The following UBE3C variants were observed in gnomAD, a reference collection of about 807,000 sequenced individuals.
UBE3C encodes the protein ubiquitin protein ligase E3C, also known as ubiquitin-protein ligase E3C.
In UBE3C, 42 loss-of-function variants were observed where a neutral mutation model predicts 129.4. The observed-to-expected ratio is 0.32, with a 90% CI of 0.25 to 0.42. UBE3C has a LOEUF of 0.42. UBE3C is among the 10% of genes least tolerant of loss of function. The pLI, the probability that UBE3C is intolerant of heterozygous loss-of-function variation, is 1.00. For missense variants in UBE3C, 1,049 were observed against 1,319.1 expected, an observed-to-expected ratio of 0.80 and a Z score of 3.17; for synonymous variants, 510 against 492.4, an observed-to-expected ratio of 1.04 and a Z score of -0.47.
chr7:157,162,332 C>T (rs1207514496), intron 1 of UBE3C, among the ~76,000 whole-genome samples: 3 of 151,788 alleles, frequency 2.0e-5, no homozygotes, highest in Admixed American at 2.0e-4. Context: ...GTAGCTGGGA[C>T]TACTGGTATG....
In UBE3C at chr7:157,256,979, G is replaced by A. The variant is rs1246890152; in HGVS notation, c.3016G>A (p.Glu1006Lys). ...GAGAGTTGTGGAAGGGTTCACTGAT[G>A]AAGAAAAGCGCAAACTGCTGAAGTT... Reference protein sequence around the residue: ...FWRVVEGFTDEEKRKLLKFVT... With the variant: ...FWRVVEGFTDKEKRKLLKFVT... Residue 1006 changes from glutamate to lysine, a missense_variant, in exon 22 of 23, where the codon GAA (glutamate) becomes AAA (lysine). Around this residue, in one of 4 missense-constraint regions of UBE3C, gnomAD observed 243 missense variants for 368.7 expected, o/e 0.66. Transcript: ENST00000348165. The A allele has an allele frequency of 6.2e-7, 1 of 1,614,202 alleles. No homozygotes were observed. Among genetic ancestry groups the A allele is most frequent in the Non-Finnish European group, 8.5e-7 (1 of 1,180,036 alleles).
At chr7:157,175,697 A>AT (rs1252991382) in intron 5 of UBE3C, among the ~76,000 whole-genome samples, 3 of 152,106 alleles carry the variant, frequency 2.0e-5, no homozygotes, top group Non-Finnish European at 4.4e-5. Flanking sequence ...TTATTAACTG[A>AT]TTTTTCCAAA....
Position 157,152,168 on chromosome 7 carries a change from G to C in UBE3C, c.67-11642G>C, listed in dbSNP as rs141861829. Among the ~76,000 whole-genome samples, 386 of 152,220 alleles carry C rather than the reference G, an allele frequency of 2.5e-3. 2 individuals are homozygous for C. The highest frequency in any genetic ancestry group is 8.3e-3 in the African/African-American group (344 of 41,510). On this transcript the variant is annotated intron_variant, in intron 1 of 22. Coordinates refer to ENST00000348165, the MANE Select transcript of UBE3C (RefSeq NM_014671.3). The stretch of plus-strand genomic sequence containing the variant: ...GGGGTGGGCAAAGGGTGTAGGGAAA[G>C]TGGAAGAGAAGGCTGGGAGGAAGGT...
At chr7:157,194,753 G>A (rs1245401388) in intron 10 of UBE3C, among the ~76,000 whole-genome samples, 1 of 152,204 alleles carries the variant, frequency 6.6e-6, no homozygotes, top group East Asian at 1.9e-4. Flanking sequence ...AGGAAAAGGG[G>A]TCCTTGTTAC....
chr7:157,203,446 T>C (rs112169922), intron 11 of UBE3C, among the ~76,000 whole-genome samples: 1,735 of 152,310 alleles, frequency 0.011, 27 homozygotes, highest in African/African-American at 0.04. Context: ...CTACGCCAGC[T>C]TTGGTTTTCA....
At chr7:157,232,439 A>G (rs540956968) in intron 18 of UBE3C, among the ~76,000 whole-genome samples, 5 of 152,154 alleles carry the variant, frequency 3.3e-5, no homozygotes, top group East Asian at 3.9e-4. Flanking sequence ...GCTCACTGCA[A>G]ACTCCACCTC....
intron 9 of UBE3C, among the ~76,000 whole-genome samples, chr7:157,184,704 C>T (rs2116932383): frequency 6.6e-6 from 1 of 152,194 alleles, no homozygotes; most frequent in Admixed American, 6.5e-5. Flanking sequence ...CTCAGGGCTT[C>T]CAGGTGAAGT....
At position 157,207,494 on chromosome 7, in the gene UBE3C, C is replaced by G. The variant is rs781074910; in HGVS notation, c.1515C>G (p.Ser505=). Residue 505 remains serine (S), a synonymous_variant, in exon 12 of 23, where the codon TCC becomes TCG. Transcript: ENST00000348165. ...TCCCACTCTTTTATCTTTTTAGCTCCTTGTTTAGTCATTCACTAATTTCCA... is the reference window on the plus strand; with the variant it reads ...TCCCACTCTTTTATCTTTTTAGCTCGTTGTTTAGTCATTCACTAATTTCCA... The part of the protein sequence containing the change: ...RIIPLFYLFS[S]LFSHSLISIH... 1 of 1,613,750 alleles carries G rather than the reference C, an allele frequency of 6.2e-7. No individual in the cohort carries two copies. The highest frequency in any genetic ancestry group is 1.7e-5 in the Admixed American group (1 of 59,934).
At chr7:157,223,795 C>T (rs1003944454) in intron 16 of UBE3C, among the ~76,000 whole-genome samples, 3 of 152,112 alleles carry the variant, frequency 2.0e-5, no homozygotes, top group African/African-American at 7.2e-5. Flanking sequence ...TGGCATGTAC[C>T]TGTAGTCCCA....
chr7:157,155,844 G>A (rs3824062), intron 1 of UBE3C, among the ~76,000 whole-genome samples: 25,635 of 152,162 alleles, frequency 0.17, 2,433 homozygotes, highest in East Asian at 0.35. Flanking sequence ...TTTCACATTG[G>A]TGGGTAGTTA....
At chr7:157,214,391 C>T (rs1195294366) in intron 13 of UBE3C, among the ~76,000 whole-genome samples, 1 of 152,098 alleles carries the variant, frequency 6.6e-6, no homozygotes, top group Admixed American at 6.5e-5. Flanking sequence ...TTAGGCAGAC[C>T]TGATCTTTCC....
In UBE3C at chr7:157,184,062, G is replaced by A. The variant is rs201036596; in HGVS notation, c.1143+33G>A. 110 of 1,606,470 alleles carry A rather than the reference G, an allele frequency of 6.8e-5. No individual in the cohort carries two copies. In the African/African-American group the frequency reaches 1.2e-3, roughly 17 times the overall value. On this transcript the variant is annotated intron_variant, in intron 9 of 22. Transcript: ENST00000348165. ...CCGTGCCCTGCATCTGGGGGGCTGCGATGCAGGCAGCCCCGTCGGATCTTC... is the reference window on the plus strand; with the variant it reads ...CCGTGCCCTGCATCTGGGGGGCTGCAATGCAGGCAGCCCCGTCGGATCTTC...
At chr7:157,197,921 A>G (rs1809168173) in intron 10 of UBE3C, 2 of 1,605,990 alleles carry the variant, frequency 1.2e-6, no homozygotes, top group Admixed American at 1.7e-5. Context: ...TTTCAGGTGT[A>G]AGCCTTCCAA....
chr7:157,178,924 GCCTGTGC>G, intron 6 of UBE3C, 77 bp downstream of exon 6: 2 of 1,545,820 alleles, frequency 1.3e-6, no homozygotes, highest in Non-Finnish European at 1.8e-6. Flanking sequence ...GCTGCTGTGA[GCCTGTGC>G]CCTCAGTCTC....
intron 22 of UBE3C, among the ~76,000 whole-genome samples, chr7:157,266,734 C>A (rs1206513995): frequency 6.6e-6 from 1 of 152,134 alleles, no homozygotes; most frequent in Non-Finnish European, 1.5e-5. Context: ...AAATCTTGAT[C>A]CTTTTTAAAA....
At chr7:157,168,147 C>G (rs555792130) in intron 2 of UBE3C, among the ~76,000 whole-genome samples, 4 of 151,690 alleles carry the variant, frequency 2.6e-5, no homozygotes, top group East Asian at 2.0e-4. Flanking sequence ...GTCAGGAGAT[C>G]GAGACCATCC....
At chr7:157,198,343 C>T in intron 10 of UBE3C, 2 of 787,638 alleles carry the variant, frequency 2.5e-6, no homozygotes, top group South Asian at 2.7e-5. Context: ...CATCTTCATA[C>T]AGTTCTTCCA....
At chr7:157,217,054 T>G (rs1223255654) in intron 14 of UBE3C, 83 bp downstream of exon 14, 1 of 1,084,242 alleles carries the variant, frequency 9.2e-7, no homozygotes, top group Non-Finnish European at 1.3e-6. Context: ...ATTAAGCACT[T>G]TAAAATTATT....
chr7:157,226,396 A>G (rs1377054846), intron 17 of UBE3C, among the ~76,000 whole-genome samples: 17 of 152,202 alleles, frequency 1.1e-4, no homozygotes, highest in African/African-American at 3.9e-4. Flanking sequence ...CCTCTAATAT[A>G]TTAGCAGTTT....
Sources: allele counts gnomAD v4.1 joint callset (sites outside exome capture counted in the v4.1 genomes callset), GRCh38; gene constraint gnomAD v4.1.1; regional missense constraint gnomAD v4.1.1; transcripts MANE v1.5; gene names NCBI Gene and HGNC (gene_info 2026-07-23, HGNC 2026-07-21).